SH3RF2: variants seen among roughly 807,000 people sequenced by gnomAD.
SH3RF2 encodes the protein E3 ubiquitin-protein ligase SH3RF2.
A neutral mutation model predicts 59.0 loss-of-function variants in SH3RF2; 43 were observed. The ratio of observed to expected loss-of-function variants is 0.73; its 90% CI spans 0.57 to 0.94. SH3RF2 has a LOEUF of 0.94. SH3RF2 is among the 40% of genes least tolerant of loss of function. The probability of loss-of-function intolerance (pLI) is 0.00; values close to 1 mark genes in which losing one functional copy is unlikely to be tolerated. For synonymous variants in SH3RF2, 391 were observed against 391.5 expected (o/e 1.00, Z 0.01); for missense variants, 930 against 940.1 (o/e 0.99, Z 0.14).
chr5:146,042,525 A>G (rs1338522954), intron 5 of SH3RF2, among the ~76,000 whole-genome samples: 1 of 152,220 alleles, frequency 6.6e-6, no homozygotes, highest in Admixed American at 6.5e-5. Context: ...TCACTTGTCC[A>G]AGATCACAGG....
At chr5:145,985,969 A>G (rs1343896971) in intron 2 of SH3RF2, among the ~76,000 whole-genome samples, 1 of 151,970 alleles carries the variant, frequency 6.6e-6, no homozygotes, top group Non-Finnish European at 1.5e-5. Context: ...GCACTGCTGC[A>G]CTCCAGCCTG....
At chr5:146,074,103 G>T (rs1191393195) in intron 9 of SH3RF2, among the ~76,000 whole-genome samples, 1 of 144,146 alleles carries the variant, frequency 6.9e-6, no homozygotes, top group Non-Finnish European at 1.5e-5. Context: ...ACAGAGGCGC[G>T]ATCTTGGCTC....
chr5:145,975,279 GCCACTCAGCACTAGTCATTGGAAA>G (rs1430078079), intron 2 of SH3RF2, among the ~76,000 whole-genome samples: 1 of 152,164 alleles, frequency 6.6e-6, no homozygotes, highest in East Asian at 1.9e-4. Context: ...CTCCAAAAGT[GCCACTCAGCACTAGTCATTGGAAA>G]CCAGAATTTT....
At chr5:146,015,735 A>T in intron 5 of SH3RF2, among the ~76,000 whole-genome samples, 1 of 152,236 alleles carries the variant, frequency 6.6e-6, no homozygotes, top group Non-Finnish European at 1.5e-5. Flanking sequence ...GTAGGATTCA[A>T]AACAAGTATT....
At chr5:146,061,735 C>T (rs1762900854) in intron 9 of SH3RF2, among the ~76,000 whole-genome samples, 1 of 152,092 alleles carries the variant, frequency 6.6e-6, no homozygotes, top group Admixed American at 6.5e-5. Context: ...AAACTGGAGA[C>T]CTTGCATCTC....
chr5:146,068,613 A>G (rs541728944), intron 9 of SH3RF2, among the ~76,000 whole-genome samples: 5 of 152,252 alleles, frequency 3.3e-5, no homozygotes, highest in Non-Finnish European at 7.3e-5. Flanking sequence ...GTCATGGAGA[A>G]TAAATCATAC....
At position 146,062,422 on chromosome 5, in the gene SH3RF2, G is replaced by A. The variant is rs1561771245; in HGVS notation, c.1915-4G>A. On this transcript the variant is annotated splice_region_variant and splice_polypyrimidine_tract_variant and intron_variant, in intron 9 of 9. Transcript: ENST00000359120. ...GTGTCCATTTCCTCTCCTTTCTCTT[G>A]CAGCAAGTCAAAACCGTGAGATTTC... is the stretch of plus-strand genomic sequence containing the variant. The A allele has an allele frequency of 6.2e-7, 1 of 1,612,742 alleles. No individual in the cohort carries two copies. Among genetic ancestry groups the A allele is most frequent in the African/African-American group, 1.3e-5 (1 of 75,002 alleles).
intron 2 of SH3RF2, among the ~76,000 whole-genome samples, chr5:145,953,124 T>TCACACA (rs3221819): frequency 1.4e-3 from 215 of 148,820 alleles, no homozygotes; most frequent in Middle Eastern, 6.9e-3. Context: ...TCTCTCTCTG[T>TCACACA]CACACACACA....
intron 2 of SH3RF2, among the ~76,000 whole-genome samples, chr5:145,994,230 C>T (rs1326435711): frequency 1.3e-5 from 2 of 152,190 alleles, no homozygotes; most frequent in Non-Finnish European, 2.9e-5. Context: ...TCACTATCAG[C>T]ATTTTTGTCA....
intron 5 of SH3RF2, among the ~76,000 whole-genome samples, chr5:146,026,445 C>T (rs966462516): frequency 6.6e-6 from 1 of 152,172 alleles, no homozygotes; most frequent in African/African-American, 2.4e-5. Flanking sequence ...ATTGGAATGA[C>T]AAAAGTGGCT....
chr5:146,010,800 T>C (rs1760854635), intron 4 of SH3RF2, among the ~76,000 whole-genome samples: 1 of 152,214 alleles, frequency 6.6e-6, no homozygotes, highest in African/African-American at 2.4e-5. Flanking sequence ...GATGAGTAGA[T>C]TGCAAAAATT....
rs1760214629 is a variant in SH3RF2 at position 145,997,494 on chromosome 5, A to G, written c.379-2564A>G. On this transcript the variant is annotated intron_variant, in intron 2 of 9. Transcript: ENST00000359120. ...GATAATGGATACAGTACAATTTGGGAAAGATGCTTATGTCTATCTGAAGAA... is the reference window on the plus strand; with the variant it reads ...GATAATGGATACAGTACAATTTGGGGAAGATGCTTATGTCTATCTGAAGAA... 3 of 1,592,570 alleles carry G rather than the reference A, an allele frequency of 1.9e-6. No homozygotes were observed. The Admixed American group carries it at 5.0e-5, about 27-fold the overall frequency.
Position 146,056,040 on chromosome 5 carries a change from C to A in SH3RF2, c.1382C>A (p.Ser461Tyr). The A allele has an allele frequency of 6.2e-7, 1 of 1,614,250 alleles. No individual in the cohort carries two copies. The highest frequency in any genetic ancestry group is 8.5e-7 in the Non-Finnish European group (1 of 1,180,048). Residue 461 changes from serine (S) to tyrosine (Y), a missense_variant, in exon 8 of 10, where the codon TCC becomes TAC. Coordinates refer to ENST00000359120, the MANE Select transcript of SH3RF2 (RefSeq NM_152550.4). ...SPGLYTTWTL[S>Y]TSSVSSQGSI... ...GGTCTCTACACCACATGGACGTTATCCACCTCCTCTGTGTCCTCCCAAGGC... is the reference window on the plus strand; with the variant it reads ...GGTCTCTACACCACATGGACGTTATACACCTCCTCTGTGTCCTCCCAAGGC...
chr5:146,064,807 GGAAA>G (rs1216580727), downstream of SH3RF2, among the ~76,000 whole-genome samples: 27 of 18,332 alleles, frequency 1.5e-3, 1 homozygote, highest in African/African-American at 4.4e-3. Flanking sequence ...AAGGAAGGAA[GGAAA>G]GAAAGAAAGA....
chr5:146,040,127 G>T (rs11748213), intron 5 of SH3RF2, among the ~76,000 whole-genome samples: 4 of 152,030 alleles, frequency 2.6e-5, no homozygotes, highest in Non-Finnish European at 5.9e-5. Flanking sequence ...CTACCTCTGG[G>T]ATAACTTGGG....
Position 146,028,734 on chromosome 5 carries a change from G to A in SH3RF2, c.1059+14673G>A, listed in dbSNP as rs994227915. On this transcript the variant is annotated intron_variant, in intron 5 of 9. Transcript: ENST00000359120. ...GGCTTGTAGTAAATGCAGAATAAAG[G>A]GCAGTTAAGTCAAGGGCTGTGTGAA... Among the ~76,000 whole-genome samples, 9 of 152,264 alleles carry A rather than the reference G, an allele frequency of 5.9e-5. No homozygotes were observed. In the East Asian group the frequency reaches 1.7e-3, roughly 29 times the overall value.
chr5:145,945,071 G>A (rs865851950), intron 2 of SH3RF2, among the ~76,000 whole-genome samples: 5 of 152,220 alleles, frequency 3.3e-5, no homozygotes, highest in Middle Eastern at 3.4e-3. Context: ...AGACATACAT[G>A]TATCAAAATT....
In SH3RF2 at chr5:146,013,732, C is replaced by G. The variant is rs1760995601; in HGVS notation, c.745-15C>G. ...CAGGAAGACAAACTTCTCATTGGAC[C>G]TTTTGTCTTTTCAGCCAAACCTCAC... is the stretch of plus-strand genomic sequence containing the variant. On this transcript the variant is annotated splice_polypyrimidine_tract_variant and intron_variant, in intron 4 of 9. Transcript: ENST00000359120. 1 of 1,612,634 alleles carries G rather than the reference C, an allele frequency of 6.2e-7. No individual in the cohort carries two copies.
At chr5:145,950,424 C>A (rs1250844844) in intron 2 of SH3RF2, among the ~76,000 whole-genome samples, 2 of 152,200 alleles carry the variant, frequency 1.3e-5, no homozygotes, top group Admixed American at 1.3e-4. Flanking sequence ...ATGATTTAAT[C>A]CCTAGCCAAT....
Sources: allele counts gnomAD v4.1 joint callset (sites outside exome capture counted in the v4.1 genomes callset), GRCh38; gene constraint gnomAD v4.1.1; transcripts MANE v1.5; gene names NCBI Gene and HGNC (gene_info 2026-07-23, HGNC 2026-07-21).